SLC7A5: variants seen among roughly 807,000 people sequenced by gnomAD.
SLC7A5 encodes the protein solute carrier family 7 member 5.
In SLC7A5, 23 loss-of-function variants were observed where a neutral mutation model predicts 50.2. The observed-to-expected ratio is 0.46, with a 90% CI of 0.33 to 0.65. The LOEUF (loss-of-function observed/expected upper bound fraction) is 0.65, where lower values mean the gene tolerates loss of function less well. Among genes scored for constraint, SLC7A5 ranks in the 30% least tolerant of loss-of-function variants. SLC7A5 has a pLI of 0.02. For synonymous variants in SLC7A5, 393 were observed against 330.6 expected (o/e 1.19, Z -2.05); for missense variants, 578 against 684.4 (o/e 0.84, Z 1.73).
rs386385353 is a variant in SLC7A5, at chr16:87,831,665, G to GGGT, written c.*1302_*1304dup. On this transcript the variant is annotated 3_prime_UTR_variant, in exon 10 of 10. Coordinates refer to ENST00000261622, the MANE Select transcript of SLC7A5 (RefSeq NM_003486.7). Reference sequence around the variant, plus strand: ...CCCCGAGCTCAGGAGGGATCCTGCGGGGTCTTCTTGTTCTGGGGGTCCCTG... The same window carrying GGGT: ...CCCCGAGCTCAGGAGGGATCCTGCGGGGTGGTCTTCTTGTTCTGGGGGTCCCTG... 5 of 152,162 alleles carry GGGT rather than the reference G, an allele frequency of 3.3e-5. No individual in the cohort carries two copies. Among genetic ancestry groups the GGGT allele is most frequent in the Non-Finnish European group, 7.3e-5 (5 of 68,054 alleles). 9.4% of individuals were successfully genotyped at this position (152,162 alleles called of 1,614,324 possible).
intron 1 of SLC7A5, among the ~76,000 whole-genome samples, chr16:87,866,517 G>T (rs527346689): frequency 6.6e-6 from 1 of 152,254 alleles, no homozygotes; most frequent in African/African-American, 2.4e-5. Flanking sequence ...CCAGGCTGGA[G>T]TGCAGTGGTG....
At position 87,857,583 on chromosome 16, in the gene SLC7A5, G is replaced by A. The variant is rs550249394; in HGVS notation, c.539-5734C>T. 3.0e-4 allele frequency among the ~76,000 whole-genome samples: 46 copies of A among 152,332 alleles called. No homozygotes were observed. The South Asian group carries it at 7.9e-3, about 26-fold the overall frequency. On this transcript the variant is annotated intron_variant, in intron 1 of 9. Coordinates refer to ENST00000261622, the MANE Select transcript of SLC7A5 (RefSeq NM_003486.7). Reference sequence around the variant, plus strand: ...CAGGCGTGAGCCACCGCGCCTGGCCGGGATGGTCTGCTTATAATGGCTCAA... The same window carrying A: ...CAGGCGTGAGCCACCGCGCCTGGCCAGGATGGTCTGCTTATAATGGCTCAA...
At chr16:87,837,333 T>A (rs1434357248) in intron 7 of SLC7A5, 1 of 190,230 alleles carries the variant, frequency 5.3e-6, no homozygotes, top group Non-Finnish European at 1.1e-5. Context: ...CACCCTACGA[T>A]GAGAACACAG....
At position 87,860,826 on chromosome 16, in the gene SLC7A5, C is replaced by G. The variant is rs2055388634; in HGVS notation, c.538+8059G>C. Among the ~76,000 whole-genome samples, 1 of 152,154 alleles carries G rather than the reference C, an allele frequency of 6.6e-6. No individual in the cohort carries two copies. ...CTCATTCCTCACGTAGTGGGCAAAT[C>G]CTAGGGCAGGGGAGGGGCGGGCAAT... On this transcript the variant is annotated intron_variant, in intron 1 of 9. Coordinates refer to ENST00000261622, the MANE Select transcript of SLC7A5 (RefSeq NM_003486.7). This position sits in a 1 kb window ranked among gnomAD's most constrained non-coding sequence, Gnocchi z 4.8.
At chr16:87,868,804 G>C in intron 1 of SLC7A5, 81 bp downstream of exon 1, 1 of 1,378,952 alleles carries the variant, frequency 7.3e-7, no homozygotes, top group East Asian at 2.5e-5. Flanking sequence ...AGAGATGTGG[G>C]AGCCAGGGGC....
rs2055374146 is a variant in SLC7A5 at position 87,860,243 on chromosome 16, G to C, written c.539-8394C>G. On this transcript the variant is annotated intron_variant, in intron 1 of 9. Coordinates refer to ENST00000261622, the MANE Select transcript of SLC7A5 (RefSeq NM_003486.7). This position sits in a 1 kb window ranked among gnomAD's most constrained non-coding sequence, Gnocchi z 4.8. ...AGCTACTCGGGAAGCTAAGGCAGGA[G>C]AATCACTTGAACCCAGGAGGCGGAG... Among the ~76,000 whole-genome samples, 1 of 150,364 alleles carries C rather than the reference G, an allele frequency of 6.7e-6. No individual in the cohort carries two copies. The highest frequency in any genetic ancestry group is 2.1e-4 in the South Asian group (1 of 4,766).
intron 8 of SLC7A5, among the ~76,000 whole-genome samples, chr16:87,836,154 C>G (rs536450616): frequency 6.6e-6 from 1 of 152,262 alleles, no homozygotes; most frequent in Non-Finnish European, 1.5e-5. Flanking sequence ...ACAGCCCCGA[C>G]GGCCCTTTGA....
intron 1 of SLC7A5, among the ~76,000 whole-genome samples, chr16:87,854,799 C>G (rs978734196): frequency 2.0e-5 from 3 of 152,236 alleles, no homozygotes; most frequent in African/African-American, 4.8e-5. Flanking sequence ...CCCGTCCTCA[C>G]CTGGCTGCCT....
intron 6 of SLC7A5, among the ~76,000 whole-genome samples, 184 bp downstream of exon 6, chr16:87,838,530 C>T (rs1001619389): frequency 2.2e-4 from 34 of 152,148 alleles, no homozygotes; most frequent in African/African-American, 8.0e-4. Context: ...TGAGCTCAAG[C>T]GATCTGCTCA....
Position 87,861,878 on chromosome 16 carries a change from G to T in SLC7A5, c.538+7007C>A, listed in dbSNP as rs1225006368. Among the ~76,000 whole-genome samples the T allele has an allele frequency of 1.1e-4, 16 of 152,360 alleles. No homozygotes were observed. Among genetic ancestry groups the T allele is most frequent in the East Asian group, 5.8e-4 (3 of 5,190 alleles). ...CGAATCCCGTGATGCAGCGTGACCT[G>T]CCTAGGTGCCGGCGGCACTTTCATG... is the stretch of plus-strand genomic sequence containing the variant. On this transcript the variant is annotated intron_variant, in intron 1 of 9. Coordinates refer to ENST00000261622, the MANE Select transcript of SLC7A5 (RefSeq NM_003486.7). This position sits in a 1 kb window ranked among gnomAD's most constrained non-coding sequence, Gnocchi z 4.2.
intron 1 of SLC7A5, among the ~76,000 whole-genome samples, chr16:87,856,858 G>A (rs1380644822): frequency 1.3e-5 from 2 of 152,156 alleles, no homozygotes; most frequent in East Asian, 1.9e-4. Context: ...TGGGGGAGGC[G>A]GATGGAAACC....
At chr16:87,857,738 C>G (rs116337335) in intron 1 of SLC7A5, among the ~76,000 whole-genome samples, 8,224 of 152,328 alleles carry the variant, frequency 0.054, 251 homozygotes, top group South Asian at 0.14. Context: ...AAACAGATTT[C>G]TGTGAAAACA....
rs1432192612 is a variant in SLC7A5 at position 87,851,842 on chromosome 16, GAGC to G, written c.543_545del (p.Leu182del). 1 of 1,612,908 alleles carries G rather than the reference GAGC, an allele frequency of 6.2e-7. No homozygotes were observed. The highest frequency in any genetic ancestry group is 8.5e-7 in the Non-Finnish European group (1 of 1,179,986). ...TCACGCTGTAGCAGTTCACGGCCGT[GAGC>G]AGCACTGTGGAGACAGAGGGCAGCG... On this transcript the variant is annotated inframe_deletion, in exon 2 of 10. Coordinates refer to ENST00000261622, the MANE Select transcript of SLC7A5 (RefSeq NM_003486.7).
In SLC7A5 at chr16:87,852,638, CTGTGTGTGTGTGTGTGTGTGTGTGTGTG is replaced by C. The variant is rs61164920; in HGVS notation, c.539-817_539-790del. On this transcript the variant is annotated intron_variant, in intron 1 of 9. Coordinates refer to ENST00000261622, the MANE Select transcript of SLC7A5 (RefSeq NM_003486.7). The surrounding 1 kb of genome is among the most constrained non-coding windows in gnomAD (Gnocchi z 4.5). Reference sequence around the variant, plus strand: ...CTGTAAGGCACCCAGCTCTGAGCCTCTGTGTGTGTGTGTGTGTGTGTGTGTGTGTGTGTGTGTGTGTGTGTGTGTTGGG... The same window carrying C: ...CTGTAAGGCACCCAGCTCTGAGCCTCTGTGTGTGTGTGTGTGTGTGTTGGG... Among the ~76,000 whole-genome samples the C allele has an allele frequency of 4.3e-5, 5 of 116,796 alleles. No individual in the cohort carries two copies. The highest frequency in any genetic ancestry group is 9.8e-5 in the African/African-American group (3 of 30,614). The allele number at this position is 116,796 out of a possible 152,430, so 76.6% of individuals were successfully genotyped here. A position where few individuals can be genotyped will look rare whatever the true frequency, so the allele number is the denominator to read the frequency against.
Position 87,851,820 on chromosome 16 carries a change from C to T in SLC7A5, c.568G>A (p.Val190Met). The change falls in exon 2 of 10, where the codon GTG becomes ATG. Residue 190 changes from valine to methionine, a missense_variant. Val to Met is a conservative substitution (Grantham distance 21, BLOSUM62 1). Around this residue, in one of 2 missense-constraint regions of SLC7A5, gnomAD observed 465 missense variants for 594.6 expected, o/e 0.78. Transcript: ENST00000261622. ...TCCTGGACCCGGGTGGCGGCCTTCA[C>T]GCTGTAGCAGTTCACGGCCGTGAGC... ...LLLTAVNCYS[V>M]KAATRVQDAF... 1.2e-6 allele frequency: 2 copies of T among 1,613,106 alleles called. No individual in the cohort carries two copies. The highest frequency in any genetic ancestry group is 1.7e-6 in the Non-Finnish European group (2 of 1,179,978).
In SLC7A5 at chr16:87,860,163, G is replaced by A. The variant is rs1244568388; in HGVS notation, c.539-8314C>T. Among the ~76,000 whole-genome samples the A allele has an allele frequency of 2.6e-5, 4 of 151,588 alleles. No homozygotes were observed. The highest frequency in any genetic ancestry group is 2.1e-4 in the South Asian group (1 of 4,804). Reference sequence around the variant, plus strand: ...GCCTGACCAACATGGTGAAACCCCCGTCTCTACTAAAAACACAAAATTAGC... The same window carrying A: ...GCCTGACCAACATGGTGAAACCCCCATCTCTACTAAAAACACAAAATTAGC... On this transcript the variant is annotated intron_variant, in intron 1 of 9. Coordinates refer to ENST00000261622, the MANE Select transcript of SLC7A5 (RefSeq NM_003486.7). The surrounding 1 kb of genome is among the most constrained non-coding windows in gnomAD (Gnocchi z 4.8).
intron 2 of SLC7A5, among the ~76,000 whole-genome samples, chr16:87,845,938 G>C (rs1253864960): frequency 1.3e-5 from 2 of 152,186 alleles, no homozygotes; most frequent in Non-Finnish European, 2.9e-5. Context: ...GGCACCGGCA[G>C]AGCCCCAGCT....
intron 1 of SLC7A5, among the ~76,000 whole-genome samples, chr16:87,855,273 C>A (rs571388345): frequency 1.8e-4 from 28 of 152,228 alleles, no homozygotes; most frequent in African/African-American, 6.5e-4. Flanking sequence ...GACACCCCCA[C>A]CCCCTTGTGC....
At chr16:87,842,869 G>GCAAAGACGCC (rs2055098947) in intron 2 of SLC7A5, among the ~76,000 whole-genome samples, 1 of 151,824 alleles carries the variant, frequency 6.6e-6, no homozygotes, top group Non-Finnish European at 1.5e-5. Flanking sequence ...CAGCACCTCG[G>GCAAAGACGCC]CACAGCCCCT....
Sources: allele counts gnomAD v4.1 joint callset (sites outside exome capture counted in the v4.1 genomes callset), GRCh38; gene constraint gnomAD v4.1.1; regional missense constraint gnomAD v4.1.1; non-coding constraint Gnocchi (gnomAD v3.1); transcripts MANE v1.5; gene names NCBI Gene and HGNC (gene_info 2026-07-23, HGNC 2026-07-21).